CEP95: variants seen among roughly 807,000 people sequenced by gnomAD.
CEP95 encodes the protein centrosomal protein 95.
In CEP95, 98 loss-of-function variants were observed where a neutral mutation model predicts 111.2. The observed-to-expected ratio is 0.88, with a 90% CI of 0.75 to 1.04. The LOEUF (loss-of-function observed/expected upper bound fraction) is 1.04. CEP95 is among the 50% of genes least tolerant of loss of function. CEP95 has a pLI of 0.00. For synonymous variants in CEP95, 323 were observed against 327.1 expected (o/e 0.99, Z 0.14); for missense variants, 1,027 against 977.2 (o/e 1.05, Z -0.68).
chr17:64,537,863 C>A lies in CEP95; in HGVS notation c.*84C>A. ...AATCGAGCCAGTAAACAGTCTAAGC[C>A]AGAAAAATAATTTTCAAATGCTTTA... On this transcript the variant is annotated 3_prime_UTR_variant, in exon 20 of 20. Coordinates refer to ENST00000556440, the MANE Select transcript of CEP95 (RefSeq NM_138363.3). 1.4e-6 allele frequency: 1 copy of A among 701,032 alleles called. No individual in the cohort carries two copies. The highest frequency in any genetic ancestry group is 2.1e-6 in the Non-Finnish European group (1 of 484,170). The allele number at this position is 701,032 out of a possible 1,614,324, so 43.4% of individuals were successfully genotyped here.
At chr17:64,522,923 G>A in intron 8 of CEP95, 28 bp downstream of exon 8, 2 of 1,546,748 alleles carry the variant, frequency 1.3e-6, no homozygotes, top group Non-Finnish European at 1.8e-6. Context: ...CTTTCAGTTG[G>A]CTAGAAGTAC....
intron 19 of CEP95, 43 bp from the exon 20 acceptor site, chr17:64,537,560 A>G: frequency 6.5e-7 from 1 of 1,533,220 alleles, no homozygotes; most frequent in Non-Finnish European, 8.8e-7. Context: ...GAGGGCCTGG[A>G]TAAATGCTGT....
Position 64,508,649 on chromosome 17 carries a change from A to G in CEP95, c.77A>G (p.His26Arg), listed in dbSNP as rs782488572. 3.7e-5 allele frequency: 54 copies of G among 1,467,150 alleles called. 1 individual carries two copies. The Admixed American group carries it at 1.1e-3, about 30-fold the overall frequency. The allele number at this position is 1,467,150 out of a possible 1,614,324, so 90.9% of individuals were successfully genotyped here. A position where few individuals can be genotyped will look rare whatever the true frequency, so the allele number is the denominator to read the frequency against. ...AAGTGTCATATACATCTGAGAATAC[A>G]TGAACTTCAAGACTGTGATGCTAAT... ...LFKCHIHLRI[H>R]ELQDCDANVF... The change falls in exon 2 of 20, where the codon CAT (histidine) becomes CGT (arginine). Residue 26 changes from histidine (H) to arginine (R), a missense_variant. Physicochemically the swap from His to Arg is conservative, Grantham distance 29. Transcript: ENST00000556440.
intron 7 of CEP95, 48 bp downstream of exon 7, chr17:64,521,575 G>T (rs1967339433): frequency 6.4e-7 from 1 of 1,572,666 alleles, no homozygotes; most frequent in Admixed American, 1.9e-5. Flanking sequence ...ATCATTCTTG[G>T]GGCAATTGTT....
intron 1 of CEP95, chr17:64,508,342 TTGAATTTGCAG>T (rs2038692797): frequency 2.0e-6 from 2 of 1,013,292 alleles, no homozygotes; most frequent in African/African-American, 3.4e-5. Context: ...ACAGTATCAA[TTGAATTTGCAG>T]TATAGTTTTG....
intron 3 of CEP95, among the ~76,000 whole-genome samples, chr17:64,510,635 A>C (rs540515880): frequency 5.9e-5 from 9 of 152,260 alleles, no homozygotes; most frequent in African/African-American, 2.2e-4. Flanking sequence ...CTGCAGCCTC[A>C]ACCTCCCAAG....
intron 2 of CEP95, among the ~76,000 whole-genome samples, chr17:64,509,890 T>G (rs1307416895): frequency 6.6e-6 from 1 of 151,716 alleles, no homozygotes; most frequent in Non-Finnish European, 1.5e-5. Context: ...AGCATATTCA[T>G]GTATATCTAT....
chr17:64,534,823 C>T, intron 17 of CEP95, 86 bp downstream of exon 17: 1 of 1,486,862 alleles, frequency 6.7e-7, no homozygotes. Flanking sequence ...TGACTCTTGT[C>T]CAAATTTGAA....
chr17:64,527,864 G>GTATATATATATATA, intron 11 of CEP95, among the ~76,000 whole-genome samples: 1 of 131,792 alleles, frequency 7.6e-6, no homozygotes, highest in African/African-American at 3.0e-5. Flanking sequence ...GTGTGTGTGT[G>GTATATATATATATA]TGTGTGTATA....
intron 17 of CEP95, chr17:64,534,985 A>G (rs950255081): frequency 1.0e-4 from 47 of 456,220 alleles, no homozygotes; most frequent in Middle Eastern, 6.3e-4. Flanking sequence ...CCTCCTACAC[A>G]TAACAGGTAC....
At chr17:64,506,818 C>T, upstream of CEP95, 1 of 581,668 alleles carries the variant, frequency 1.7e-6, no homozygotes, top group East Asian at 2.9e-5. Flanking sequence ...ACCGTCCGAC[C>T]CGCGTGTCTG....
intron 4 of CEP95, chr17:64,515,840 C>G (rs1392913930): frequency 1.3e-5 from 2 of 152,190 alleles, no homozygotes; most frequent in African/African-American, 4.8e-5. Context: ...CTGTGCAGGG[C>G]AGCTTCAACC....
At chr17:64,520,852 G>A (rs868933719) in intron 6 of CEP95, among the ~76,000 whole-genome samples, 4 of 152,162 alleles carry the variant, frequency 2.6e-5, no homozygotes, top group Non-Finnish European at 1.5e-5. Flanking sequence ...TTTTTCTAAA[G>A]CTAAATAATG....
chr17:64,514,934 C>T (rs1289645697), intron 4 of CEP95: 1 of 152,700 alleles, frequency 6.5e-6, no homozygotes, highest in Non-Finnish European at 1.5e-5. Flanking sequence ...GCAGCAACCA[C>T]AATTTACATA....
In CEP95 at chr17:64,536,619, T is replaced by C. The variant is rs140659486; in HGVS notation, c.2088T>C (p.Phe696=). 5.2e-3 allele frequency: 8,270 copies of C among 1,591,324 alleles called. 31 individuals are homozygous for C. The highest frequency in any genetic ancestry group is 6.4e-3 in the Non-Finnish European group (7,451 of 1,172,778). ...ACTGACAGATATTTAAGAAACTGTT[T>C]GAAGAAGGTTTAAACATTCAAAAGC... ...TREEMIFKKL[F]EEGLNIQKQR... is the part of the protein sequence containing the mutation. The change falls in exon 18 of 20, where the codon TTT becomes TTC. Residue 696 remains phenylalanine, a synonymous_variant. Transcript: ENST00000556440.
intron 5 of CEP95, among the ~76,000 whole-genome samples, chr17:64,517,170 C>T (rs1966925574): frequency 6.6e-6 from 1 of 152,168 alleles, no homozygotes; most frequent in Non-Finnish European, 1.5e-5. Flanking sequence ...CCTCAGCCTC[C>T]TGAGTAGCTG....
intron 19 of CEP95, 61 bp from the exon 20 acceptor site, chr17:64,537,542 C>A: frequency 2.7e-6 from 4 of 1,487,012 alleles, no homozygotes; most frequent in Non-Finnish European, 2.7e-6. Context: ...GGAGAGGGAA[C>A]AATAGATGAG....
rs533713383 is a variant in CEP95 at position 64,529,402 on chromosome 17, C to A, written c.1421C>A (p.Thr474Lys). The A allele has an allele frequency of 1.1e-5, 17 of 1,613,652 alleles. No homozygotes were observed. Among genetic ancestry groups the A allele is most frequent in the Non-Finnish European group, 1.4e-5 (17 of 1,179,776 alleles). Residue 474 changes from threonine to lysine, a missense_variant, in exon 12 of 20, where the codon ACA becomes AAA. By Grantham distance (78) the Thr-to-Lys change is moderately conservative. Transcript: ENST00000556440. ...ERKRQRKPRE[T>K]DVRQFQAQAF... ...AAAAGGCAGCGCAAGCCAAGAGAAACAGATGTCCGCCAATTCCAAGCACAG... is the reference window on the plus strand; with the variant it reads ...AAAAGGCAGCGCAAGCCAAGAGAAAAAGATGTCCGCCAATTCCAAGCACAG...
intron 6 of CEP95, among the ~76,000 whole-genome samples, chr17:64,520,818 GC>G (rs1259515009): frequency 6.6e-6 from 1 of 152,154 alleles, no homozygotes; most frequent in African/African-American, 2.4e-5. Flanking sequence ...AAAACAGCCA[GC>G]ATTTCCGTAA....
Sources: allele counts gnomAD v4.1 joint callset (sites outside exome capture counted in the v4.1 genomes callset), GRCh38; gene constraint gnomAD v4.1.1; transcripts MANE v1.5; gene names NCBI Gene and HGNC (gene_info 2026-07-23, HGNC 2026-07-21).